The following SLC8A3 variants were observed in gnomAD, a reference collection of about 807,000 sequenced individuals.
SLC8A3 encodes solute carrier family 8 member A3.
SLC8A3 carries 37 observed loss-of-function variants against 65.4 expected under a neutral mutation model. The observed-to-expected ratio is 0.57, with a 90% CI of 0.44 to 0.74. SLC8A3 has a LOEUF of 0.74. Among genes scored for constraint, SLC8A3 ranks in the 30% least tolerant of loss-of-function variants. The pLI, the probability that SLC8A3 is intolerant of heterozygous loss-of-function variation, is 0.00. For synonymous variants in SLC8A3, 461 were observed against 444.5 expected, an observed-to-expected ratio of 1.04 and a Z score of -0.47; for missense variants, 1,112 against 1,172.1, an observed-to-expected ratio of 0.95 and a Z score of 0.75.
At chr14:70,130,293 G>A (rs143426597) in intron 2 of SLC8A3, among the ~76,000 whole-genome samples, 2 of 152,326 alleles carry the variant, frequency 1.3e-5, no homozygotes, top group Non-Finnish European at 2.9e-5. Flanking sequence ...CAACTCACCT[G>A]ACGTTCACCT....
chr14:70,061,445 G>A (rs1442249985), intron 2 of SLC8A3, among the ~76,000 whole-genome samples: 1 of 151,900 alleles, frequency 6.6e-6, no homozygotes, highest in African/African-American at 2.4e-5. Flanking sequence ...CCTTCTTTAT[G>A]TCTATACTCA....
chr14:70,168,286 T>C lies in SLC8A3; in HGVS notation c.137A>G (p.Glu46Gly). 1 of 1,614,164 alleles carries C rather than the reference T, an allele frequency of 6.2e-7. No homozygotes were observed. The highest frequency in any genetic ancestry group is 8.5e-7 in the Non-Finnish European group (1 of 1,180,024). The part of the protein sequence containing the change: ...GDVPSTGQNN[E>G]SCSGSSDCKE... ...GCAGTCCGATGACCCTGAACAGGACTCATTGTTCTGCCCTGTGCTTGGCAC... is the reference window on the plus strand; with the variant it reads ...GCAGTCCGATGACCCTGAACAGGACCCATTGTTCTGCCCTGTGCTTGGCAC... The change falls in exon 2 of 7, where the codon GAG becomes GGG. Residue 46 changes from glutamate to glycine, a missense_variant. By Grantham distance (98) the Glu-to-Gly change is moderately conservative (BLOSUM62 -2). Transcript: ENST00000356921.
intron 2 of SLC8A3, chr14:70,080,007 A>G: frequency 1.3e-6 from 1 of 772,918 alleles, no homozygotes; most frequent in Non-Finnish European, 1.6e-6. Flanking sequence ...TGGAGATGAT[A>G]ACATTCACAT....
At chr14:70,095,769 C>T (rs192003197) in intron 2 of SLC8A3, among the ~76,000 whole-genome samples, 164 of 152,240 alleles carry the variant, frequency 1.1e-3, no homozygotes, top group Middle Eastern at 0.01. Flanking sequence ...AGTAAGAAAC[C>T]GTTTGGTTCC....
chr14:70,106,722 A>G (rs1892901441), intron 2 of SLC8A3, among the ~76,000 whole-genome samples: 1 of 152,158 alleles, frequency 6.6e-6, no homozygotes, highest in Non-Finnish European at 1.5e-5. Context: ...TGATTTGATT[A>G]AATTCTTTAT....
intron 6 of SLC8A3, chr14:70,047,026 G>T (rs889692456): frequency 6.6e-6 from 1 of 152,184 alleles, no homozygotes; most frequent in South Asian, 2.1e-4. Flanking sequence ...ATTTACCCAA[G>T]GTCACATAGG....
At chr14:70,097,140 C>T (rs958906870) in intron 2 of SLC8A3, among the ~76,000 whole-genome samples, 1 of 152,002 alleles carries the variant, frequency 6.6e-6, no homozygotes, top group Admixed American at 6.6e-5. Flanking sequence ...GGACCATGGG[C>T]TCAAGGGAGA....
intron 2 of SLC8A3, among the ~76,000 whole-genome samples, chr14:70,133,466 C>G (rs1894982796): frequency 6.6e-6 from 1 of 152,154 alleles, no homozygotes; most frequent in Non-Finnish European, 1.5e-5. Flanking sequence ...CTAATATACT[C>G]TTGGGGGGTA....
chr14:70,166,350 C>T (rs1363613357), intron 2 of SLC8A3, among the ~76,000 whole-genome samples: 1 of 152,168 alleles, frequency 6.6e-6, no homozygotes, highest in Non-Finnish European at 1.5e-5. Context: ...TCTGTCATCC[C>T]ACAGCTCCAC....
intron 5 of SLC8A3, among the ~76,000 whole-genome samples, chr14:70,049,951 T>G (rs772884967): frequency 3.9e-5 from 6 of 152,054 alleles, no homozygotes; most frequent in African/African-American, 1.2e-4. Context: ...GAGGGGAGGG[T>G]ATGCTGAGGC....
chr14:70,163,031 G>C (rs1220133128), intron 2 of SLC8A3, among the ~76,000 whole-genome samples: 1 of 152,124 alleles, frequency 6.6e-6, no homozygotes, highest in Non-Finnish European at 1.5e-5. Context: ...CTCTCCACTT[G>C]ACAGTAAGAT....
At position 70,045,948 on chromosome 14, in the gene SLC8A3, T is replaced by A. The variant is rs762636947; in HGVS notation, c.2765A>T (p.Ter922LeuextTer24). 6.3e-7 allele frequency: 1 copy of A among 1,587,932 alleles called. No homozygotes were observed. Among genetic ancestry groups the A allele is most frequent in the African/African-American group, 1.3e-5 (1 of 74,352 alleles). ...CTGCTGGAGGCTCTGTTGTGTGGCTTAGAACCCCTTGATGTAGCAATAGGC... is the reference window on the plus strand; with the variant it reads ...CTGCTGGAGGCTCTGTTGTGTGGCTAAGAACCCCTTGATGTAGCAATAGGC... ...LEAYCYIKGF[*>L] The change falls in exon 7 of 7, where the codon TAA (stop) becomes TTA (leucine). Residue 922 changes from the stop codon to leucine (L), a stop_lost. Transcript: ENST00000356921.
At chr14:70,084,237 C>G (rs1891265216) in intron 2 of SLC8A3, among the ~76,000 whole-genome samples, 1 of 152,166 alleles carries the variant, frequency 6.6e-6, no homozygotes, top group Non-Finnish European at 1.5e-5. Context: ...GGTTATTTTC[C>G]AAGATGGAGG....
At chr14:70,186,588 C>G (rs1411941658) in intron 1 of SLC8A3, among the ~76,000 whole-genome samples, 1 of 152,166 alleles carries the variant, frequency 6.6e-6, no homozygotes, top group Non-Finnish European at 1.5e-5. Flanking sequence ...TTCTATAGGC[C>G]TTATCTGCTT....
At chr14:70,061,357 T>C (rs1888778155) in intron 2 of SLC8A3, among the ~76,000 whole-genome samples, 1 of 152,140 alleles carries the variant, frequency 6.6e-6, no homozygotes, top group Non-Finnish European at 1.5e-5. Context: ...GGGCAACAGG[T>C]AAACTACTAA....
chr14:70,111,872 G>A (rs1893327337), intron 2 of SLC8A3, among the ~76,000 whole-genome samples: 1 of 152,204 alleles, frequency 6.6e-6, no homozygotes, highest in Non-Finnish European at 1.5e-5. Context: ...GCTAGATGAG[G>A]GGAGAGGAGG....
chr14:70,061,075 G>A (rs1481295469), intron 2 of SLC8A3, 136 bp from the exon 3 acceptor site: 1 of 557,238 alleles, frequency 1.8e-6, no homozygotes, highest in African/African-American at 1.9e-5. Flanking sequence ...CTTTCAACAG[G>A]ACCATGGTGG....
At chr14:70,065,158 T>A (rs998232598) in intron 2 of SLC8A3, among the ~76,000 whole-genome samples, 13 of 152,334 alleles carry the variant, frequency 8.5e-5, no homozygotes, top group Non-Finnish European at 1.6e-4. Context: ...CTCCTTTTTT[T>A]CTTTTTTATA....
chr14:70,105,655 G>T lies in SLC8A3; in HGVS notation c.1785-44716C>A, dbSNP rs916178569. Among the ~76,000 whole-genome samples, 7 of 152,296 alleles carry T rather than the reference G, an allele frequency of 4.6e-5. No homozygotes were observed. The East Asian group carries it at 1.2e-3, about 25-fold the overall frequency. On this transcript the variant is annotated intron_variant, in intron 2 of 6. Coordinates refer to ENST00000356921, the MANE Select transcript of SLC8A3 (RefSeq NM_182932.3). The stretch of plus-strand genomic sequence containing the variant: ...AATAGTTTCTCTGGTATATTCTGTT[G>T]ACCATCTCTGAAACAAATAATTTCA...
Sources: allele counts gnomAD v4.1 joint callset (sites outside exome capture counted in the v4.1 genomes callset), GRCh38; gene constraint gnomAD v4.1.1; transcripts MANE v1.5; gene names NCBI Gene and HGNC (gene_info 2026-07-23, HGNC 2026-07-21).